KDM4B: variants seen among roughly 807,000 people sequenced by gnomAD.
The protein encoded by KDM4B is lysine demethylase 4B.
KDM4B carries 32 observed loss-of-function variants against 125.2 expected under a neutral mutation model. That is an observed-to-expected ratio of 0.26 (90% CI 0.19 to 0.34). The LOEUF (loss-of-function observed/expected upper bound fraction) is 0.34. Ranked by LOEUF, KDM4B falls within the 10% of genes least tolerant of loss-of-function variation. KDM4B has a pLI of 1.00. For synonymous variants in KDM4B, 721 were observed against 677.9 expected (o/e 1.06, Z -0.99); for missense variants, 1,190 against 1,577.7 (o/e 0.75, Z 4.16).
chr19:4,997,352 C>T lies in KDM4B; in HGVS notation c.-108-18905C>T, dbSNP rs1224982909. 6.6e-6 allele frequency among the ~76,000 whole-genome samples: 1 copy of T among 152,130 alleles called. No homozygotes were observed. Among genetic ancestry groups the T allele is most frequent in the Non-Finnish European group, 1.5e-5 (1 of 68,020 alleles). On this transcript the variant is annotated intron_variant, in intron 1 of 22. Transcript: ENST00000159111. The surrounding 1 kb of genome is among the most constrained non-coding windows in gnomAD (Gnocchi z 4.2). ...GTCCCACTTAGAGAGGTTTCCCCCG[C>T]CCTAGGAGTCCAGGAGCGTCGGCCC... is the stretch of plus-strand genomic sequence containing the variant.
intron 6 of KDM4B, among the ~76,000 whole-genome samples, chr19:5,055,462 T>G (rs2037366389): frequency 3.3e-5 from 5 of 152,232 alleles, no homozygotes; most frequent in Admixed American, 3.3e-4. Context: ...CTTCCGGTGT[T>G]TGGATGGTCG....
intron 6 of KDM4B, among the ~76,000 whole-genome samples, chr19:5,049,912 G>T (rs1457237034): frequency 1.3e-5 from 2 of 152,128 alleles, no homozygotes; most frequent in African/African-American, 2.4e-5. Context: ...TTGCAGGGGG[G>T]TGGGGACAAG....
At chr19:5,119,900 G>A (rs529136310) in intron 11 of KDM4B, 48 bp downstream of exon 11, 14 of 1,537,340 alleles carry the variant, frequency 9.1e-6, no homozygotes, top group Middle Eastern at 2.3e-4. Context: ...TCCCACCCCC[G>A]TGGGCATCTC....
chr19:4,975,363 T>C (rs1368553356), intron 1 of KDM4B, among the ~76,000 whole-genome samples: 1 of 152,110 alleles, frequency 6.6e-6, no homozygotes, highest in Non-Finnish European at 1.5e-5. Context: ...GCTTTTTTTT[T>C]CCTCCAACGA....
In KDM4B at chr19:5,131,489, G is replaced by T; in HGVS notation, c.1729G>T (p.Ala577Ser). The stretch of plus-strand genomic sequence containing the variant: ...GGAGCTGACGGGGCCAGAGGACGGT[G>T]CAGCCAGCAGTGGGGCAGGTCGCAT... ...PMELTGPEDG[A>S]ASSGAGRMET... The change falls in exon 12 of 23, where the codon GCA becomes TCA. Residue 577 changes from alanine to serine, a missense_variant. Transcript: ENST00000159111. The T allele has an allele frequency of 6.4e-7, 1 of 1,565,986 alleles. No homozygotes were observed. Among genetic ancestry groups the T allele is most frequent in the Non-Finnish European group, 8.6e-7 (1 of 1,164,256 alleles).
At chr19:5,017,865 C>G (rs1354595925) in intron 2 of KDM4B, among the ~76,000 whole-genome samples, 1 of 149,422 alleles carries the variant, frequency 6.7e-6, no homozygotes, top group Non-Finnish European at 1.5e-5. Flanking sequence ...CTCAGCCTCC[C>G]TAGTAGCTGG....
rs1403544064 is a variant in KDM4B at position 5,131,766 on chromosome 19, G to T, written c.1786-121G>T. On this transcript the variant is annotated intron_variant, in intron 12 of 22. Coordinates refer to ENST00000159111, the MANE Select transcript of KDM4B (RefSeq NM_015015.3). ...GAGGAGCCCTGTGGTTCTTTGCTGG[G>T]ACAGTCACCCCAGGAGAGGAGACTC... The T allele has an allele frequency of 4.8e-6, 6 of 1,257,236 alleles. No individual in the cohort carries two copies. The South Asian group carries it at 6.4e-5, about 13-fold the overall frequency. The allele number at this position is 1,257,236 out of a possible 1,614,324, so 77.9% of individuals were successfully genotyped here.
Position 5,141,872 on chromosome 19 carries a change from G to A in KDM4B, c.2551-2095G>A, listed in dbSNP as rs113223677. Among the ~76,000 whole-genome samples, 17 of 152,006 alleles carry A rather than the reference G, an allele frequency of 1.1e-4. No individual in the cohort carries two copies. The highest frequency in any genetic ancestry group is 2.4e-4 in the African/African-American group (10 of 41,370). On this transcript the variant is annotated intron_variant, in intron 18 of 22. Coordinates refer to ENST00000159111, the MANE Select transcript of KDM4B (RefSeq NM_015015.3). This position sits in a 1 kb window ranked among gnomAD's most constrained non-coding sequence, Gnocchi z 6.4. Reference sequence around the variant, plus strand: ...GGAGGGGCTTGGGATGGGGGGAGGCGCCTCCAGGGCAGCAGGAGGGGTGGG... The same window carrying A: ...GGAGGGGCTTGGGATGGGGGGAGGCACCTCCAGGGCAGCAGGAGGGGTGGG...
chr19:5,103,798 G>T (rs935349298), intron 9 of KDM4B, among the ~76,000 whole-genome samples: 1 of 152,198 alleles, frequency 6.6e-6, no homozygotes, highest in Non-Finnish European at 1.5e-5. Context: ...GAGCCCAGGG[G>T]GCCTGGCTTT....
At chr19:5,106,930 G>A (rs950898822) in intron 9 of KDM4B, among the ~76,000 whole-genome samples, 1 of 152,216 alleles carries the variant, frequency 6.6e-6, no homozygotes, top group Non-Finnish European at 1.5e-5. Flanking sequence ...ATGAGAGGCT[G>A]ACCCCAAGGC....
chr19:5,135,352 A>G lies in KDM4B; in HGVS notation c.2099A>G (p.Glu700Gly), dbSNP rs778165677. The change falls in exon 15 of 23, where the codon GAG becomes GGG. Residue 700 changes from glutamate to glycine, a missense_variant. Physicochemically the swap from Glu to Gly is moderately conservative, Grantham distance 98. Transcript: ENST00000159111. ...FYPYCQALQT[E>G]KEAPIASLGE... ...TCTCCCCTACAGGCCCTACAGACTG[A>G]GAAGGAGGCACCCATAGCCTCCCTC... 5 of 1,611,468 alleles carry G rather than the reference A, an allele frequency of 3.1e-6. No individual in the cohort carries two copies. The South Asian group carries it at 5.5e-5, about 18-fold the overall frequency.
intron 15 of KDM4B, among the ~76,000 whole-genome samples, chr19:5,136,857 C>T (rs2039657303): frequency 6.6e-6 from 1 of 152,174 alleles, no homozygotes; most frequent in Admixed American, 6.5e-5. Flanking sequence ...AGACCCAGGG[C>T]CACATCCCAC....
intron 2 of KDM4B, among the ~76,000 whole-genome samples, chr19:5,020,313 G>GGGTGTTGGTGTGCAGGTGTTGGTGTGTA (rs2036072336): frequency 7.0e-6 from 1 of 142,650 alleles, no homozygotes; most frequent in East Asian, 2.1e-4. Flanking sequence ...GTGTTGGTGT[G>GGGTGTTGGTGTGCAGGTGTTGGTGTGTA]GGTGTTGGTG....
At chr19:5,048,784 G>T (rs994483434) in intron 6 of KDM4B, among the ~76,000 whole-genome samples, 4 of 152,254 alleles carry the variant, frequency 2.6e-5, no homozygotes, top group African/African-American at 7.2e-5. Context: ...CGTGGGCAGC[G>T]GGACGCCCAT....
At chr19:5,019,318 GGA>G (rs2035998497) in intron 2 of KDM4B, among the ~76,000 whole-genome samples, 1 of 146,792 alleles carries the variant, frequency 6.8e-6, no homozygotes. Context: ...GTGTTGGTGT[GGA>G]CGTTGGCGTG....
chr19:5,082,432 C>T lies in KDM4B; in HGVS notation c.846C>T (p.His282=), dbSNP rs771691022. Reference sequence around the variant, plus strand: ...ACGGCTACCACGCCGGCTTCAATCACGGGTTCAACTGCGCAGAATCTACCA... The same window carrying T: ...ACGGCTACCACGCCGGCTTCAATCATGGGTTCAACTGCGCAGAATCTACCA... ...FPYGYHAGFN[H]GFNCAESTNF... The change falls in exon 9 of 23, where the codon CAC becomes CAT. Residue 282 remains histidine, a synonymous_variant. Transcript: ENST00000159111. The surrounding 1 kb of genome is among the most constrained non-coding windows in gnomAD (Gnocchi z 5.4). 1.5e-5 allele frequency: 24 copies of T among 1,613,580 alleles called. No individual in the cohort carries two copies. Among genetic ancestry groups the T allele is most frequent in the Middle Eastern group, 1.6e-4 (1 of 6,082 alleles).
chr19:5,121,952 G>T (rs1374072897), intron 11 of KDM4B, among the ~76,000 whole-genome samples: 2 of 152,148 alleles, frequency 1.3e-5, no homozygotes, highest in Non-Finnish European at 2.9e-5. Flanking sequence ...CGGAGCAGTG[G>T]ACTTGGTGTG....
chr19:4,978,554 ATGTTAC>A (rs2034533039), intron 1 of KDM4B, among the ~76,000 whole-genome samples: 1 of 142,100 alleles, frequency 7.0e-6, no homozygotes, highest in Admixed American at 7.1e-5. Flanking sequence ...AAGGCATCTC[ATGTTAC>A]TGTCTGTCTG....
chr19:5,135,497 C>T lies in KDM4B; in HGVS notation c.2244C>T (p.Tyr748=), dbSNP rs1371663682. 2.5e-6 allele frequency: 4 copies of T among 1,612,334 alleles called. No homozygotes were observed. The highest frequency in any genetic ancestry group is 3.4e-6 in the Non-Finnish European group (4 of 1,179,766). The change falls in exon 15 of 23, where the codon TAC becomes TAT. Residue 748 remains tyrosine (Y), a synonymous_variant. Transcript: ENST00000159111. ...CGGAGCCGCTGCCTGCCAACTCCTACATCGGCGACGACGGGACCAGCCCCC... is the reference window on the plus strand; with the variant it reads ...CGGAGCCGCTGCCTGCCAACTCCTATATCGGCGACGACGGGACCAGCCCCC... The part of the protein sequence containing the change: ...ENTEPLPANS[Y]IGDDGTSPLI...
Sources: gnomAD v4.1 joint callset for allele counts (sites outside exome capture counted in the v4.1 genomes callset) on GRCh38, gnomAD v4.1.1 for gene constraint, Gnocchi (gnomAD v3.1) non-coding constraint, MANE v1.5 for transcripts, NCBI Gene and HGNC (gene_info 2026-07-23, HGNC 2026-07-21) for gene names.